Variants in ROBO1 observed in about 807,000 individuals in gnomAD.
The protein encoded by ROBO1 is roundabout homolog 1.
In ROBO1, 149 loss-of-function variants were observed where a neutral mutation model predicts 195.9. That is an observed-to-expected ratio of 0.76 (90% CI 0.67 to 0.87). The LOEUF (loss-of-function observed/expected upper bound fraction) is 0.87, where lower values mean the gene tolerates loss of function less well. ROBO1 is among the 40% of genes least tolerant of loss of function. The probability of loss-of-function intolerance (pLI) is 0.00; values close to 1 mark genes in which losing one functional copy is unlikely to be tolerated. For synonymous variants in ROBO1, 816 were observed against 733.2 expected (o/e 1.11, Z -1.82); for missense variants, 1,933 against 2,068.3 (o/e 0.93, Z 1.27).
At chr3:78,640,845 T>G (rs1705901024) in intron 21 of ROBO1, among the ~76,000 whole-genome samples, 1 of 152,188 alleles carries the variant, frequency 6.6e-6, no homozygotes, top group Non-Finnish European at 1.5e-5. Flanking sequence ...CTTGGTGGTT[T>G]TATTTTCTAT....
intron 2 of ROBO1, among the ~76,000 whole-genome samples, chr3:79,505,077 A>T (rs1940316621): frequency 6.6e-6 from 1 of 152,114 alleles, no homozygotes; most frequent in Non-Finnish European, 1.5e-5. Context: ...TTATGTTCTT[A>T]CTTATATTAA....
chr3:79,521,945 T>A (rs1042218227), intron 2 of ROBO1, among the ~76,000 whole-genome samples: 1 of 152,150 alleles, frequency 6.6e-6, no homozygotes, highest in African/African-American at 2.4e-5. Context: ...TTGGTTTACA[T>A]AGATAGGTAA....
At chr3:78,633,259 A>G (rs1401296703) in intron 24 of ROBO1, among the ~76,000 whole-genome samples, 1 of 152,158 alleles carries the variant, frequency 6.6e-6, no homozygotes, top group Admixed American at 6.5e-5. Context: ...TCTAATAACG[A>G]ACTGCCTTTA....
At chr3:78,835,576 T>C (rs77286994) in intron 4 of ROBO1, among the ~76,000 whole-genome samples, 4,967 of 152,272 alleles carry the variant, frequency 0.033, 213 homozygotes, top group African/African-American at 0.1. Flanking sequence ...CATTACAAAA[T>C]AGTAATTTCT....
chr3:78,709,935 T>C (rs2081642122), intron 8 of ROBO1, among the ~76,000 whole-genome samples: 1 of 152,260 alleles, frequency 6.6e-6, no homozygotes, highest in Non-Finnish European at 1.5e-5. Flanking sequence ...TTTTGATTCA[T>C]TTTTCTTCCA....
At chr3:79,129,707 G>C (rs377470235) in intron 2 of ROBO1, among the ~76,000 whole-genome samples, 1 of 152,110 alleles carries the variant, frequency 6.6e-6, no homozygotes, top group Non-Finnish European at 1.5e-5. Context: ...GCTTAATACA[G>C]CTACCTAACA....
intron 2 of ROBO1, among the ~76,000 whole-genome samples, chr3:79,316,589 A>T (rs1282813157): frequency 3.3e-5 from 5 of 152,104 alleles, no homozygotes; most frequent in African/African-American, 1.2e-4. Context: ...ATGTTCTTAG[A>T]GATAAAGTCT....
chr3:79,679,501 T>C (rs1028331849), intron 1 of ROBO1, among the ~76,000 whole-genome samples: 1 of 152,094 alleles, frequency 6.6e-6, no homozygotes, highest in South Asian at 2.1e-4. Flanking sequence ...TGAACAATTT[T>C]ACTTGAAGAT....
intron 29 of ROBO1, among the ~76,000 whole-genome samples, chr3:78,602,942 C>A (rs1158391942): frequency 6.6e-6 from 1 of 152,174 alleles, no homozygotes; most frequent in Non-Finnish European, 1.5e-5. Context: ...TTTCAACAAC[C>A]TTTCCATACA....
chr3:79,005,768 T>C (rs896663005), intron 3 of ROBO1, among the ~76,000 whole-genome samples: 1 of 152,206 alleles, frequency 6.6e-6, no homozygotes, highest in African/African-American at 2.4e-5. Context: ...TCAGAGATGC[T>C]TTCTTTTCAT....
At chr3:79,296,856 T>C (rs1195993857) in intron 2 of ROBO1, among the ~76,000 whole-genome samples, 1 of 152,188 alleles carries the variant, frequency 6.6e-6, no homozygotes, top group Admixed American at 6.5e-5. Flanking sequence ...CTTTTGTAGA[T>C]ACTCCAAAAG....
At chr3:78,757,140 C>T (rs1164858940) in intron 4 of ROBO1, among the ~76,000 whole-genome samples, 1 of 152,102 alleles carries the variant, frequency 6.6e-6, no homozygotes, top group Non-Finnish European at 1.5e-5. Context: ...GAGCCACCTG[C>T]GTCAGCCTCC....
At chr3:79,031,831 A>T (rs926394175) in intron 3 of ROBO1, among the ~76,000 whole-genome samples, 1 of 152,162 alleles carries the variant, frequency 6.6e-6, no homozygotes, top group African/African-American at 2.4e-5. Context: ...TCATATAAAG[A>T]TTGTTGCTTA....
At chr3:79,190,129 C>A (rs1425459586) in intron 2 of ROBO1, among the ~76,000 whole-genome samples, 1 of 151,586 alleles carries the variant, frequency 6.6e-6, no homozygotes, top group Non-Finnish European at 1.5e-5. Context: ...TATCACACTA[C>A]AAATAATTAT....
chr3:79,492,794 C>T (rs1419681276), intron 2 of ROBO1, among the ~76,000 whole-genome samples: 1 of 152,004 alleles, frequency 6.6e-6, no homozygotes, highest in Non-Finnish European at 1.5e-5. Context: ...TCTAATTCTA[C>T]TGGAATTAAT....
At chr3:79,086,104 C>T (rs1216411730) in intron 3 of ROBO1, among the ~76,000 whole-genome samples, 1 of 149,798 alleles carries the variant, frequency 6.7e-6, no homozygotes, top group Non-Finnish European at 1.5e-5. Context: ...AGGTAATTAA[C>T]AAATGGAGTT....
chr3:79,068,337 AG>A (rs980486232), intron 3 of ROBO1, among the ~76,000 whole-genome samples: 8 of 151,866 alleles, frequency 5.3e-5, no homozygotes, highest in Non-Finnish European at 1.0e-4. Flanking sequence ...GCAGAAACAT[AG>A]GGTTTTTACC....
chr3:79,012,383 A>G (rs542628954), intron 3 of ROBO1, among the ~76,000 whole-genome samples: 1 of 152,224 alleles, frequency 6.6e-6, no homozygotes, highest in Admixed American at 6.5e-5. Flanking sequence ...AAACTAGGTG[A>G]CAAGCATTAA....
intron 2 of ROBO1, among the ~76,000 whole-genome samples, chr3:79,261,464 T>C (rs2082936503): frequency 6.6e-6 from 1 of 152,086 alleles, no homozygotes; most frequent in African/African-American, 2.4e-5. Flanking sequence ...TTGTATATAT[T>C]ATTGTATATA....
Sources: gnomAD v4.1 joint callset for allele counts (sites outside exome capture counted in the v4.1 genomes callset) on GRCh38, gnomAD v4.1.1 for gene constraint, MANE v1.5 for transcripts, NCBI Gene and HGNC (gene_info 2026-07-23, HGNC 2026-07-21) for gene names.